NR2C2: variants seen among roughly 807,000 people sequenced by gnomAD.
NR2C2 encodes Nuclear hormone receptor TR4.
NR2C2 carries 6 observed loss-of-function variants against 62.9 expected under a neutral mutation model. The ratio of observed to expected loss-of-function variants is 0.10; its 90% CI spans 0.05 to 0.19. The LOEUF is 0.19. Among genes scored for constraint, NR2C2 ranks in the 10% least tolerant of loss-of-function variants. The pLI, the probability that NR2C2 is intolerant of heterozygous loss-of-function variation, is 1.00. For missense variants in NR2C2, 479 were observed against 762.7 expected, an observed-to-expected ratio of 0.63 and a Z score of 4.38; for synonymous variants, 272 against 273.8, an observed-to-expected ratio of 0.99 and a Z score of 0.07.
chr3:14,989,301 A>C (rs1346429173), intron 1 of NR2C2, among the ~76,000 whole-genome samples: 2 of 152,098 alleles, frequency 1.3e-5, no homozygotes, highest in Non-Finnish European at 2.9e-5. Flanking sequence ...CTCTGACTAC[A>C]TTTGCGTATC....
Position 14,992,214 on chromosome 3 carries a change from A to G in NR2C2, c.-39-11662A>G, listed in dbSNP as rs1049133481. ...CAACAAAAACCCTGCTGCCAAAGCA[A>G]TGTCATGCCATTATGGAATAGAGGA... On this transcript the variant is annotated intron_variant, in intron 1 of 13. Coordinates refer to ENST00000425241, the MANE Select transcript of NR2C2 (RefSeq NM_001291694.2). 3.9e-5 allele frequency among the ~76,000 whole-genome samples: 6 copies of G among 152,170 alleles called. No individual in the cohort carries two copies. The East Asian group carries it at 9.6e-4, about 24-fold the overall frequency.
intron 2 of NR2C2, among the ~76,000 whole-genome samples, chr3:15,013,289 T>C (rs2041407169): frequency 1.3e-5 from 2 of 152,330 alleles, no homozygotes; most frequent in East Asian, 1.9e-4. Context: ...ACAAGGACTT[T>C]TCAAAAAGTT....
chr3:15,005,832 C>T (rs1008475382), intron 2 of NR2C2, among the ~76,000 whole-genome samples: 1 of 151,726 alleles, frequency 6.6e-6, no homozygotes, highest in African/African-American at 2.4e-5. Flanking sequence ...TGTTTTTTTA[C>T]CCAGCTGACA....
At chr3:15,037,924 C>A in intron 11 of NR2C2, 76 bp from the exon 12 acceptor site, 1 of 1,411,204 alleles carries the variant, frequency 7.1e-7, no homozygotes, top group Non-Finnish European at 9.6e-7. Flanking sequence ...CATTTCTTTC[C>A]ATATGTGGCC....
intron 8 of NR2C2, among the ~76,000 whole-genome samples, chr3:15,029,797 A>C (rs1559303910): frequency 1.2e-5 from 1 of 83,896 alleles, no homozygotes; most frequent in Non-Finnish European, 2.4e-5. Flanking sequence ...TAAATAATAG[A>C]TAGATAGATA....
intron 9 of NR2C2, among the ~76,000 whole-genome samples, chr3:15,031,348 T>C (rs2041974554): frequency 6.7e-6 from 1 of 150,280 alleles, no homozygotes; most frequent in Admixed American, 6.6e-5. Flanking sequence ...TCCAGACTGC[T>C]GAGTCCTCCT....
rs2125116602 is a variant in NR2C2, at chr3:15,045,871, G to C, written c.*2863G>C. On this transcript the variant is annotated 3_prime_UTR_variant, in exon 14 of 14. Transcript: ENST00000425241. ...CTGGCTGCTCCTCCCTCAATGAGGA[G>C]AGGCAGCTGGCTCAGAGAGGTGGGA... 1 of 151,948 alleles carries C rather than the reference G, an allele frequency of 6.6e-6. No individual in the cohort carries two copies. The highest frequency in any genetic ancestry group is 2.4e-5 in the African/African-American group (1 of 41,174). The allele number at this position is 151,948 out of a possible 1,614,324, so 9.4% of individuals were successfully genotyped here. A position where few individuals can be genotyped will look rare whatever the true frequency, so the allele number is the denominator to read the frequency against.
chr3:14,964,263 T>G (rs894289496), intron 1 of NR2C2, among the ~76,000 whole-genome samples: 2 of 152,222 alleles, frequency 1.3e-5, no homozygotes, highest in African/African-American at 4.8e-5. Context: ...ATACATACTT[T>G]TAAGATTAAA....
intron 1 of NR2C2, among the ~76,000 whole-genome samples, chr3:14,950,422 C>T (rs1438748548): frequency 1.3e-5 from 2 of 152,080 alleles, no homozygotes; most frequent in Non-Finnish European, 2.9e-5. Context: ...AAAACCTTTC[C>T]AAGGCTTTTC....
At chr3:15,009,303 C>T (rs1444683133) in intron 2 of NR2C2, among the ~76,000 whole-genome samples, 2 of 152,024 alleles carry the variant, frequency 1.3e-5, no homozygotes, top group Admixed American at 6.6e-5. Context: ...GGGAGGATTG[C>T]GTCTCATGAG....
chr3:15,040,253 G>A (rs1306312744), intron 13 of NR2C2, among the ~76,000 whole-genome samples: 1 of 152,116 alleles, frequency 6.6e-6, no homozygotes, highest in Non-Finnish European at 1.5e-5. Flanking sequence ...AGAATGCATT[G>A]GCAGGCTTTC....
At chr3:15,013,558 A>G (rs767334373) in intron 2 of NR2C2, 31 bp from the exon 3 acceptor site, 26 of 1,606,566 alleles carry the variant, frequency 1.6e-5, no homozygotes, top group South Asian at 2.2e-5. Flanking sequence ...GTGACACTCC[A>G]TGAGAGCAGC....
At chr3:15,004,943 G>C (rs866555688) in intron 2 of NR2C2, among the ~76,000 whole-genome samples, 2 of 152,066 alleles carry the variant, frequency 1.3e-5, no homozygotes, top group Admixed American at 6.6e-5. Context: ...TTTTGAGACA[G>C]AGTCTTGCTA....
intron 7 of NR2C2, chr3:15,026,704 T>C (rs1408650612): frequency 6.9e-6 from 1 of 145,468 alleles, no homozygotes; most frequent in Non-Finnish European, 1.5e-5. Context: ...AATGCACCTC[T>C]GTTTTTTTTT....
At chr3:14,999,265 G>A (rs902882700) in intron 1 of NR2C2, among the ~76,000 whole-genome samples, 7 of 151,502 alleles carry the variant, frequency 4.6e-5, no homozygotes, top group Admixed American at 2.0e-4. Flanking sequence ...GCGATGAGCC[G>A]AGATCGCACC....
chr3:14,992,123 G>A (rs2040690166), intron 1 of NR2C2, among the ~76,000 whole-genome samples: 1 of 152,080 alleles, frequency 6.6e-6, no homozygotes, highest in Non-Finnish European at 1.5e-5. Context: ...GTGATTCCAT[G>A]TAAACGTCAG....
intron 1 of NR2C2, among the ~76,000 whole-genome samples, chr3:14,960,266 T>C (rs1050113839): frequency 7.9e-5 from 12 of 152,176 alleles, no homozygotes; most frequent in Non-Finnish European, 1.6e-4. Flanking sequence ...ACAGAGTGGG[T>C]GAAGATATTT....
At position 14,994,065 on chromosome 3, in the gene NR2C2, C is replaced by T. The variant is rs186694609; in HGVS notation, c.-39-9811C>T. 8.4e-4 allele frequency among the ~76,000 whole-genome samples: 128 copies of T among 152,256 alleles called. 1 individual carries two copies. The highest frequency in any genetic ancestry group is 5.2e-3 in the South Asian group (25 of 4,816). ...GCACAGAGTAAGTGCTTACCAGGTTCCGGTAAAGCATAGACCACTGTCACT... is the reference window on the plus strand; with the variant it reads ...GCACAGAGTAAGTGCTTACCAGGTTTCGGTAAAGCATAGACCACTGTCACT... On this transcript the variant is annotated intron_variant, in intron 1 of 13. Transcript: ENST00000425241.
intron 1 of NR2C2, among the ~76,000 whole-genome samples, chr3:14,980,368 G>C (rs1241579694): frequency 6.6e-6 from 1 of 151,604 alleles, no homozygotes; most frequent in Admixed American, 6.6e-5. Context: ...TCACTATGTT[G>C]TACAGGCTGC....
Sources: allele counts gnomAD v4.1 joint callset (sites outside exome capture counted in the v4.1 genomes callset), GRCh38; gene constraint gnomAD v4.1.1; transcripts MANE v1.5; gene names NCBI Gene and HGNC (gene_info 2026-07-23, HGNC 2026-07-21).